COTL1: variants seen among roughly 807,000 people sequenced by gnomAD.
COTL1 encodes the protein coactosin-like protein.
In COTL1, 15 loss-of-function variants were observed where a neutral mutation model predicts 16.5. That is an observed-to-expected ratio of 0.91 (90% CI 0.61 to 1.40). The LOEUF is 1.40. Among genes scored for constraint, COTL1 ranks in the 40% most tolerant of loss-of-function variants. The probability of loss-of-function intolerance (pLI) is 0.00; values close to 1 mark genes in which losing one functional copy is unlikely to be tolerated. For missense variants in COTL1, 220 were observed against 201.5 expected, an observed-to-expected ratio of 1.09 and a Z score of -0.56; for synonymous variants, 112 against 85.3, an observed-to-expected ratio of 1.31 and a Z score of -1.73.
At chr16:84,607,443 A>G (rs763379264) in intron 2 of COTL1, among the ~76,000 whole-genome samples, 12 of 152,214 alleles carry the variant, frequency 7.9e-5, no homozygotes, top group Non-Finnish European at 1.6e-4. Flanking sequence ...TGGCTCTCCA[A>G]GGAAAATGTC....
intron 3 of COTL1, among the ~76,000 whole-genome samples, chr16:84,585,966 T>G (rs1904721832): frequency 6.6e-6 from 1 of 152,190 alleles, no homozygotes; most frequent in Non-Finnish European, 1.5e-5. Context: ...ACAACTGGGA[T>G]CACGCTGGAG....
chr16:84,593,712 C>A (rs1056647570), intron 2 of COTL1, among the ~76,000 whole-genome samples: 1 of 152,068 alleles, frequency 6.6e-6, no homozygotes, highest in Non-Finnish European at 1.5e-5. Context: ...GGGGTTTCAC[C>A]GTGGTCTTGA....
Position 84,617,595 on chromosome 16 carries a change from G to T in COTL1, c.78-12C>A. On this transcript the variant is annotated splice_polypyrimidine_tract_variant and intron_variant, in intron 1 of 3. Transcript: ENST00000262428. ...ATTTAAAAGTCACCCTTTGGGTTGG[G>T]AGAAGAAAAAAACACACACACACAT... The T allele has an allele frequency of 1.3e-6, 2 of 1,552,648 alleles. No homozygotes were observed. Among genetic ancestry groups the T allele is most frequent in the Non-Finnish European group, 1.7e-6 (2 of 1,147,234 alleles).
chr16:84,607,188 A>T (rs1489716710), intron 2 of COTL1, among the ~76,000 whole-genome samples: 1 of 152,146 alleles, frequency 6.6e-6, no homozygotes, highest in African/African-American at 2.4e-5. Flanking sequence ...GGACACCAAC[A>T]CCACAAAGAC....
intron 3 of COTL1, among the ~76,000 whole-genome samples, chr16:84,583,015 T>C (rs1188456677): frequency 1.3e-5 from 2 of 152,194 alleles, no homozygotes; most frequent in African/African-American, 2.4e-5. Flanking sequence ...AAAAACTAAT[T>C]TCATGTGCAA....
At chr16:84,582,216 A>G (rs34846024) in intron 3 of COTL1, among the ~76,000 whole-genome samples, 5,015 of 151,918 alleles carry the variant, frequency 0.033, 127 homozygotes, top group Middle Eastern at 0.055. Flanking sequence ...GTTGGTCGCG[A>G]ACTCCTGACC....
chr16:84,599,656 G>A (rs1346372450), intron 2 of COTL1, among the ~76,000 whole-genome samples: 1 of 152,190 alleles, frequency 6.6e-6, no homozygotes, highest in Non-Finnish European at 1.5e-5. Context: ...AAGGGGGAAG[G>A]GGAGGACAGG....
intron 2 of COTL1, among the ~76,000 whole-genome samples, chr16:84,602,884 C>T (rs1283784019): frequency 1.3e-5 from 2 of 151,996 alleles, no homozygotes; most frequent in African/African-American, 4.8e-5. Flanking sequence ...AAGGGAAGGC[C>T]AAAAAGGCAG....
At chr16:84,571,347 C>T (rs1904333507) in intron 3 of COTL1, among the ~76,000 whole-genome samples, 1 of 152,206 alleles carries the variant, frequency 6.6e-6, no homozygotes, top group Admixed American at 6.5e-5. Context: ...TTAGTATCAC[C>T]ATGGCCTCAT....
chr16:84,604,062 C>T (rs1213309550), intron 2 of COTL1, among the ~76,000 whole-genome samples: 1 of 133,072 alleles, frequency 7.5e-6, no homozygotes, highest in Non-Finnish European at 1.6e-5. Flanking sequence ...GCTGCCCCAC[C>T]ACGGCCCAAC....
intron 2 of COTL1, among the ~76,000 whole-genome samples, chr16:84,607,436 C>G (rs1467066765): frequency 6.6e-6 from 1 of 152,196 alleles, no homozygotes; most frequent in African/African-American, 2.4e-5. Flanking sequence ...GCGACTCTGG[C>G]TCTCCAAGGA....
rs1402226445 is a variant in COTL1, at chr16:84,613,003, TTTC to T, written c.160+4495_160+4497del. Among the ~76,000 whole-genome samples, 418 of 90,182 alleles carry T rather than the reference TTTC, an allele frequency of 4.6e-3. 1 individual carries two copies. The highest frequency in any genetic ancestry group is 0.016 in the African/African-American group (334 of 21,306). 59.2% of individuals were successfully genotyped at this position (90,182 alleles called of 152,430 possible). On this transcript the variant is annotated intron_variant, in intron 2 of 3. Transcript: ENST00000262428. ...GAATGACTCTTTCTTTCTTTCTTTC[TTTC>T]TTTTTTTTTTTTGAGATAGAGTCTC...
Position 84,565,676 on chromosome 16 carries a change from A to G in COTL1, c.*1169T>C, listed in dbSNP as rs984888741. ...GTTCTTTACAATCCCAATACAGTAC[A>G]GATTTCTTCCCCAAAACGAAATGAG... On this transcript the variant is annotated 3_prime_UTR_variant, in exon 4 of 4. Transcript: ENST00000262428. 1.3e-5 allele frequency: 2 copies of G among 152,682 alleles called. No homozygotes were observed. Among genetic ancestry groups the G allele is most frequent in the Admixed American group, 6.5e-5 (1 of 15,282 alleles). 9.5% of individuals were successfully genotyped at this position (152,682 alleles called of 1,614,324 possible).
rs772738429 is a variant in COTL1, at chr16:84,617,503, G to A, written c.158C>T (p.Thr53Ile). 2.6e-6 allele frequency: 4 copies of A among 1,551,756 alleles called. No individual in the cohort carries two copies. Among genetic ancestry groups the A allele is most frequent in the African/African-American group, 2.7e-5 (2 of 73,052 alleles). ...GCCCGGCAGGCGCGCCTCCCTACCT[G>A]TGCACTGCTGGATGAAGTGCTGGTA... ...AEYQHFIQQC[T>I]DDVRLFAFVR... Residue 53 changes from threonine to isoleucine, a missense_variant and splice_region_variant, in exon 2 of 4, where the codon ACA becomes ATA. By Grantham distance (89) the Thr-to-Ile change is moderately conservative. Transcript: ENST00000262428.
intron 2 of COTL1, among the ~76,000 whole-genome samples, chr16:84,598,958 G>C (rs911110344): frequency 1.3e-5 from 2 of 151,926 alleles, no homozygotes; most frequent in Non-Finnish European, 1.5e-5. Context: ...AAAGGGGCTA[G>C]GGAGGGGGGT....
intron 3 of COTL1, among the ~76,000 whole-genome samples, chr16:84,572,510 G>A (rs1904355472): frequency 1.3e-5 from 2 of 151,826 alleles, no homozygotes; most frequent in South Asian, 4.2e-4. Flanking sequence ...ACCCAAGCTG[G>A]CGTGCAGTGG....
intron 3 of COTL1, among the ~76,000 whole-genome samples, chr16:84,588,512 T>G (rs189950890): frequency 1.3e-5 from 2 of 152,308 alleles, no homozygotes; most frequent in East Asian, 3.9e-4. Context: ...TGTTTGTTTT[T>G]CTTTTTGCAA....
chr16:84,595,040 G>A (rs1018157419), intron 2 of COTL1: 8 of 152,362 alleles, frequency 5.3e-5, no homozygotes, highest in African/African-American at 1.9e-4. Context: ...TGCCCCCGGA[G>A]GGTCACAGAT....
At chr16:84,579,342 G>A (rs1009485281) in intron 3 of COTL1, among the ~76,000 whole-genome samples, 12 of 152,194 alleles carry the variant, frequency 7.9e-5, no homozygotes, top group African/African-American at 2.9e-4. Context: ...TACCAAATTA[G>A]CTGGGTGTGT....
Sources: allele counts gnomAD v4.1 joint callset (sites outside exome capture counted in the v4.1 genomes callset), GRCh38; gene constraint gnomAD v4.1.1; transcripts MANE v1.5; gene names NCBI Gene and HGNC (gene_info 2026-07-23, HGNC 2026-07-21).